Variants in SH2D6 observed in about 807,000 individuals in gnomAD.
The protein encoded by SH2D6 is SH2 domain-containing protein 6.
In SH2D6, 31 loss-of-function variants were observed where a neutral mutation model predicts 30.2. The ratio of observed to expected loss-of-function variants is 1.03; its 90% CI spans 0.77 to 1.38. SH2D6 has a LOEUF of 1.38. Ranked by LOEUF, SH2D6 falls within the 40% of genes most tolerant of loss-of-function variation. The pLI, the probability that SH2D6 is intolerant of heterozygous loss-of-function variation, is 0.00. For missense variants in SH2D6, 240 were observed against 266.8 expected, an observed-to-expected ratio of 0.90 and a Z score of 0.70; for synonymous variants, 93 against 104.6, an observed-to-expected ratio of 0.89 and a Z score of 0.68.
At chr2:85,433,805 T>C (rs1226709218) in intron 16 of SH2D6, among the ~76,000 whole-genome samples, 174 bp downstream of exon 16, 1 of 152,232 alleles carries the variant, frequency 6.6e-6, no homozygotes, top group East Asian at 1.9e-4. Context: ...TGGTCCAGGC[T>C]GACCCACACT....
At position 85,435,658 on chromosome 2, in the gene SH2D6, C is replaced by T; in HGVS notation, c.733-8C>T. The T allele has an allele frequency of 1.3e-6, 2 of 1,593,048 alleles. No individual in the cohort carries two copies. Among genetic ancestry groups the T allele is most frequent in the Non-Finnish European group, 1.7e-6 (2 of 1,168,808 alleles). On this transcript the variant is annotated splice_polypyrimidine_tract_variant and splice_region_variant and intron_variant, in intron 21 of 23. Transcript: ENST00000469800. ...AGATGAGGTTGATGGCTGGGGTCTC[C>T]TCCACAGGATGGGGCCTATACCGTG...
chr2:85,434,334 C>T lies in SH2D6; in HGVS notation c.534-6C>T, dbSNP rs758710691. 1.3e-4 allele frequency: 206 copies of T among 1,545,670 alleles called. No homozygotes were observed. The highest frequency in any genetic ancestry group is 1.7e-4 in the Non-Finnish European group (196 of 1,143,490). On this transcript the variant is annotated splice_region_variant and splice_polypyrimidine_tract_variant and intron_variant, in intron 17 of 23. Coordinates refer to ENST00000469800, the MANE Select transcript of SH2D6 (RefSeq NM_001394463.1). ...TGAGTTCTGTCCCCCGATTTGCTTC[C>T]CACAGGCCTACCACAGCCCCCCAGG...
intron 20 of SH2D6, 87 bp from the exon 21 acceptor site, chr2:85,435,326 A>C: frequency 1.4e-6 from 2 of 1,437,136 alleles, no homozygotes; most frequent in Non-Finnish European, 1.9e-6. Flanking sequence ...GGAGATGGGA[A>C]CATAAATAAC....
intron 15 of SH2D6, 64 bp from the exon 16 acceptor site, chr2:85,433,501 AAACCCC>A (rs1689010475): frequency 1.1e-6 from 1 of 871,334 alleles, no homozygotes; most frequent in African/African-American, 1.8e-5. Flanking sequence ...TCCTCCCCCA[AAACCCC>A]AGTCCTAAAT....
At chr2:85,434,745 T>G in intron 19 of SH2D6, 1 of 1,445,160 alleles carries the variant, frequency 6.9e-7, no homozygotes, top group Non-Finnish European at 9.1e-7. Context: ...ACTGAGGATG[T>G]CCCTGAAGCT....
Position 85,435,086 on chromosome 2 carries a change from C to G in SH2D6, c.611C>G (p.Pro204Arg). Residue 204 changes from proline to arginine, a missense_variant, in exon 20 of 24, where the codon CCC becomes CGC. Coordinates refer to ENST00000469800, the MANE Select transcript of SH2D6 (RefSeq NM_001394463.1). ...ASKEGRKSSL[P>R]SVAPTGSASA... ...CTAGAAGGAAGGAAATCGTCTCTTC[C>G]CTCTGTAGCCCCCACTGGGAGTGCC... 1.4e-6 allele frequency: 2 copies of G among 1,449,410 alleles called. No homozygotes were observed. Among genetic ancestry groups the G allele is most frequent in the Non-Finnish European group, 1.9e-6 (2 of 1,076,374 alleles). 89.8% of individuals were successfully genotyped at this position (1,449,410 alleles called of 1,614,324 possible). A position where few individuals can be genotyped will look rare whatever the true frequency, so the allele number is the denominator to read the frequency against.
intron 19 of SH2D6, chr2:85,434,802 T>C (rs1689211172): frequency 1.1e-5 from 16 of 1,454,312 alleles, no homozygotes; most frequent in Non-Finnish European, 1.4e-5. Context: ...TTGGGCATTT[T>C]CCGGTGCCTG....
At position 85,418,751 on chromosome 2, in the gene SH2D6, A is replaced by G. The variant is rs1687642161; in HGVS notation, c.-972A>G. ...CTTGGGTGCTGATCCGGACGCAAAG[A>G]TTGCGCCAGCCAGGGTGGGATCCCG... On this transcript the variant is annotated 5_prime_UTR_variant, in exon 1 of 24. Coordinates refer to ENST00000469800, the MANE Select transcript of SH2D6 (RefSeq NM_001394463.1). The G allele has an allele frequency of 6.6e-6, 1 of 152,102 alleles. No individual in the cohort carries two copies. The highest frequency in any genetic ancestry group is 2.4e-5 in the African/African-American group (1 of 41,420). 9.4% of individuals were successfully genotyped at this position (152,102 alleles called of 1,614,324 possible). A position where few individuals can be genotyped will look rare whatever the true frequency, so the allele number is the denominator to read the frequency against.
At chr2:85,423,032 C>T (rs1193590788) in intron 5 of SH2D6, among the ~76,000 whole-genome samples, 2 of 151,914 alleles carry the variant, frequency 1.3e-5, no homozygotes, top group African/African-American at 2.4e-5. Flanking sequence ...GGATTACAGG[C>T]GCGTGCCACC....
intron 15 of SH2D6, 54 bp downstream of exon 15, chr2:85,433,175 G>A: frequency 1.5e-5 from 15 of 977,332 alleles, no homozygotes; most frequent in Non-Finnish European, 1.8e-5. Context: ...TTAAGAAACT[G>A]GCAGGGGTGG....
At chr2:85,435,233 T>C (rs946433322) in intron 20 of SH2D6, 110 bp downstream of exon 20, 5 of 1,312,890 alleles carry the variant, frequency 3.8e-6, no homozygotes, top group South Asian at 2.5e-5. Context: ...CAAGAACACA[T>C]TGAACACACG....
chr2:85,435,587 G>A (rs1479311350), intron 21 of SH2D6, 79 bp from the exon 22 acceptor site: 3 of 1,582,048 alleles, frequency 1.9e-6, no homozygotes, highest in South Asian at 1.2e-5. Flanking sequence ...AGGGCCAGGA[G>A]GGTTCTGGCC....
At chr2:85,429,837 T>A (rs1230200864) in intron 9 of SH2D6, 144 bp from the exon 10 acceptor site, 1 of 153,190 alleles carries the variant, frequency 6.5e-6, no homozygotes, top group Non-Finnish European at 1.5e-5. Context: ...GCACCAGCTC[T>A]GCCCCCAGCC....
At position 85,435,761 on chromosome 2, in the gene SH2D6, C is replaced by A. The variant is rs754278953; in HGVS notation, c.828C>A (p.Pro276=). The part of the protein sequence containing the change: ...VLLRGRVFNI[P]IRRLDGGRHY... Reference sequence around the variant, plus strand: ...TCCGAGGCCGGGTCTTCAACATTCCCATCCGGCGGCTGGATGGCGGACGCC... The same window carrying A: ...TCCGAGGCCGGGTCTTCAACATTCCAATCCGGCGGCTGGATGGCGGACGCC... Residue 276 remains proline, a synonymous_variant, in exon 22 of 24, where the codon CCC becomes CCA. Coordinates refer to ENST00000469800, the MANE Select transcript of SH2D6 (RefSeq NM_001394463.1). The A allele has an allele frequency of 3.1e-6, 5 of 1,610,520 alleles. No individual in the cohort carries two copies. The Admixed American group carries it at 6.7e-5, about 22-fold the overall frequency.
In SH2D6 at chr2:85,435,088, T is replaced by G. The variant is rs1390745832; in HGVS notation, c.613T>G (p.Ser205Ala). The G allele has an allele frequency of 7.1e-7, 1 of 1,409,716 alleles. No individual in the cohort carries two copies. Among genetic ancestry groups the G allele is most frequent in the Non-Finnish European group, 9.4e-7 (1 of 1,059,126 alleles). The allele number at this position is 1,409,716 out of a possible 1,614,324, so 87.3% of individuals were successfully genotyped here. A position where few individuals can be genotyped will look rare whatever the true frequency, so the allele number is the denominator to read the frequency against. Residue 205 changes from serine (S) to alanine (A), a missense_variant, in exon 20 of 24, where the codon TCT (serine) becomes GCT (alanine). Physicochemically the swap from Ser to Ala is moderately conservative, Grantham distance 99. Transcript: ENST00000469800. ...AGAAGGAAGGAAATCGTCTCTTCCC[T>G]CTGTAGCCCCCACTGGGAGTGCCTC... Reference protein sequence around the residue: ...SKEGRKSSLPSVAPTGSASAA... With the variant: ...SKEGRKSSLPAVAPTGSASAA...
Position 85,434,322 on chromosome 2 carries a change from C to T in SH2D6, c.534-18C>T. ...ACATAAAGACCCTGAGTTCTGTCCC[C>T]CGATTTGCTTCCCACAGGCCTACCA... is the stretch of plus-strand genomic sequence containing the variant. On this transcript the variant is annotated intron_variant, in intron 17 of 23. Transcript: ENST00000469800. 3 of 1,541,676 alleles carry T rather than the reference C, an allele frequency of 1.9e-6. No homozygotes were observed. Among genetic ancestry groups the T allele is most frequent in the Non-Finnish European group, 2.6e-6 (3 of 1,141,162 alleles).
chr2:85,432,248 A>ATTTT (rs36079023), intron 14 of SH2D6, among the ~76,000 whole-genome samples: 5 of 130,930 alleles, frequency 3.8e-5, no homozygotes, highest in Admixed American at 1.5e-4. Flanking sequence ...GGCTGCTCTG[A>ATTTT]TTTTTTTTTT....
chr2:85,427,181 T>C (rs1328800026), intron 6 of SH2D6, among the ~76,000 whole-genome samples: 1 of 152,192 alleles, frequency 6.6e-6, no homozygotes, highest in African/African-American at 2.4e-5. Context: ...CCTGAGAAAT[T>C]TGGAGAATCA....
chr2:85,419,393 C>T (rs1687664290), intron 2 of SH2D6, 149 bp downstream of exon 2: 1 of 152,316 alleles, frequency 6.6e-6, no homozygotes, highest in East Asian at 1.9e-4. Flanking sequence ...TGAGGCGCTA[C>T]AGAAGGGACT....
Sources: gnomAD v4.1 joint callset for allele counts (sites outside exome capture counted in the v4.1 genomes callset) on GRCh38, gnomAD v4.1.1 for gene constraint, MANE v1.5 for transcripts, NCBI Gene and HGNC (gene_info 2026-07-23, HGNC 2026-07-21) for gene names.